The following N4BP2 variants were observed in gnomAD, a reference collection of about 807,000 sequenced individuals.
The protein encoded by N4BP2 is NEDD4 binding protein 2.
In N4BP2, 91 loss-of-function variants were observed where a neutral mutation model predicts 152.8. That is an observed-to-expected ratio of 0.60 (90% CI 0.50 to 0.71). N4BP2 has a LOEUF of 0.71. Among genes scored for constraint, N4BP2 ranks in the 30% least tolerant of loss-of-function variants. The pLI is 0.00. For missense variants in N4BP2, 1,923 were observed against 2,059.1 expected (o/e 0.93, Z 1.28); for synonymous variants, 646 against 705.3 (o/e 0.92, Z 1.33).
chr4:40,058,658 G>A (rs1733410206), intron 1 of N4BP2, among the ~76,000 whole-genome samples: 1 of 152,096 alleles, frequency 6.6e-6, no homozygotes, highest in Admixed American at 6.6e-5. Context: ...CATAGAAAAA[G>A]TGGGCTTAAG....
chr4:40,182,502 G>C, the N4BP2 span, among the ~76,000 whole-genome samples: 44 of 152,154 alleles, frequency 2.9e-4, no homozygotes, highest in Non-Finnish European at 4.6e-4. Context: ...CCAGGCTGGA[G>C]TGCAGTGGCG....
chr4:40,126,270 A>G lies in N4BP2; in HGVS notation c.4467A>G (p.Lys1489=). Residue 1489 remains lysine (K), a synonymous_variant, in exon 12 of 18, where the codon AAA becomes AAG. Transcript: ENST00000261435. The part of the protein sequence containing the change: ...PLLDHWNTQT[K]KVSLREIMSE... ...TGGATCATTGGAATACTCAAACTAA[A>G]AAAGTATCACTCAGAGAAATAATGT... The G allele has an allele frequency of 6.3e-7, 1 of 1,595,914 alleles. No homozygotes were observed. Among genetic ancestry groups the G allele is most frequent in the Non-Finnish European group, 8.5e-7 (1 of 1,170,898 alleles).
chr4:40,077,412 T>C (rs1712860652), intron 2 of N4BP2, among the ~76,000 whole-genome samples: 1 of 151,452 alleles, frequency 6.6e-6, no homozygotes, highest in African/African-American at 2.4e-5. Context: ...CCTCCCAAAG[T>C]GCTGGGATTA....
chr4:40,164,985 G>A, the N4BP2 span, among the ~76,000 whole-genome samples: 286 of 152,038 alleles, frequency 1.9e-3, no homozygotes, highest in Middle Eastern at 0.01. Flanking sequence ...TCTGGGCTAC[G>A]TTTTTCTTTT....
chr4:40,099,938 A>AT, intron 3 of N4BP2: 1 of 79,428 alleles, frequency 1.3e-5, no homozygotes, highest in Non-Finnish European at 2.5e-5. Context: ...TTTTTCTTCC[A>AT]TTTTTAGGTT....
In N4BP2 at chr4:40,154,799, G is replaced by T. The variant is rs985381326; in HGVS notation, c.*562G>T. The T allele has an allele frequency of 6.6e-6, 1 of 152,538 alleles. No homozygotes were observed. The highest frequency in any genetic ancestry group is 2.4e-5 in the African/African-American group (1 of 41,428). The allele number at this position is 152,538 out of a possible 1,614,324, so 9.4% of individuals were successfully genotyped here. A position where few individuals can be genotyped will look rare whatever the true frequency, so the allele number is the denominator to read the frequency against. ...AAGACATGCTTTTGCCCTTTCTTCT[G>T]CTTTGTATATGACCTTGATCTTTTA... is the stretch of plus-strand genomic sequence containing the variant. On this transcript the variant is annotated 3_prime_UTR_variant, in exon 18 of 18. Transcript: ENST00000261435.
chr4:40,150,458 G>A (rs566186103), intron 16 of N4BP2, among the ~76,000 whole-genome samples: 1 of 152,156 alleles, frequency 6.6e-6, no homozygotes, highest in African/African-American at 2.4e-5. Context: ...CTTGAGGTCA[G>A]GAGTTTGAGA....
intron 1 of N4BP2, among the ~76,000 whole-genome samples, chr4:40,065,085 C>G (rs1733938904): frequency 6.6e-6 from 1 of 152,098 alleles, no homozygotes; most frequent in Non-Finnish European, 1.5e-5. Flanking sequence ...GAGGGACTTT[C>G]AGGCAGAGAA....
chr4:40,150,676 G>GGA (rs1553928674), intron 16 of N4BP2, among the ~76,000 whole-genome samples: 1,918 of 146,372 alleles, frequency 0.013, 51 homozygotes, highest in African/African-American at 0.043. Context: ...GTCTCAGGGG[G>GGA]AAAAAAAAAA....
intron 12 of N4BP2, among the ~76,000 whole-genome samples, chr4:40,128,693 A>G (rs1271526765): frequency 1.3e-5 from 2 of 152,024 alleles, no homozygotes; most frequent in South Asian, 2.1e-4. Context: ...ATACCCAGCT[A>G]ATTTTTGTAA....
rs1378875266 is a variant in N4BP2, at chr4:40,142,460, G to T, written c.4786-213G>T. ...AACTCTTCAACATCTCCCGAGAGTG[G>T]TTAAAGAAAGGGTAACCTTAGCGGC... is the stretch of plus-strand genomic sequence containing the variant. On this transcript the variant is annotated intron_variant, in intron 14 of 17. Transcript: ENST00000261435. 3.3e-5 allele frequency: 16 copies of T among 487,914 alleles called. 1 individual carries two copies. Among genetic ancestry groups the T allele is most frequent in the South Asian group, 2.0e-4 (6 of 29,696 alleles). The allele number at this position is 487,914 out of a possible 1,614,324, so 30.2% of individuals were successfully genotyped here.
At chr4:40,163,462 C>G in the N4BP2 span, among the ~76,000 whole-genome samples, 1 of 152,172 alleles carries the variant, frequency 6.6e-6, no homozygotes, top group African/African-American at 2.4e-5. Context: ...TTCCCCTTGC[C>G]AGTGATTAGT....
chr4:40,074,680 A>T (rs1178456484), intron 2 of N4BP2, among the ~76,000 whole-genome samples: 1 of 152,154 alleles, frequency 6.6e-6, no homozygotes, highest in Non-Finnish European at 1.5e-5. Context: ...TAGTTTTTCT[A>T]TTTAATGAGT....
Position 40,117,874 on chromosome 4 carries a change from A to G in N4BP2, c.1670A>G (p.Asn557Ser), listed in dbSNP as rs774561879. ...KFKPKELARRNIHGVSKEKIT... is the reference protein window; with the variant it reads ...KFKPKELARRSIHGVSKEKIT... ...TTTTCCCCTGGAATTTTCAGGCGTA[A>G]CATTCATGGGGTAAGCAAAGAAAAA... is the stretch of plus-strand genomic sequence containing the variant. The change falls in exon 8 of 18, where the codon AAC (asparagine) becomes AGC (serine). Residue 557 changes from asparagine (N) to serine (S), a missense_variant. Transcript: ENST00000261435. 6.2e-7 allele frequency: 1 copy of G among 1,600,030 alleles called. No homozygotes were observed. Among genetic ancestry groups the G allele is most frequent in the Non-Finnish European group, 8.5e-7 (1 of 1,174,338 alleles).
intron 3 of N4BP2, among the ~76,000 whole-genome samples, chr4:40,098,207 T>C (rs1349619688): frequency 6.6e-6 from 1 of 152,014 alleles, no homozygotes; most frequent in Non-Finnish European, 1.5e-5. Context: ...TGATTAAGAG[T>C]TGAGGCTAGC....
chr4:40,148,353 A>G (rs1479414622), intron 16 of N4BP2, among the ~76,000 whole-genome samples: 2 of 152,264 alleles, frequency 1.3e-5, no homozygotes, highest in African/African-American at 4.8e-5. Context: ...GGGCAGGCGG[A>G]GGCAGGAGAA....
intron 2 of N4BP2, among the ~76,000 whole-genome samples, chr4:40,076,495 CT>C (rs202162739): frequency 6.3e-4 from 92 of 147,126 alleles, no homozygotes; most frequent in East Asian, 1.2e-3. Flanking sequence ...CCAAAAATAT[CT>C]TTTTTTTTTT....
chr4:40,085,846 A>AT (rs1379497878), intron 2 of N4BP2, among the ~76,000 whole-genome samples: 1 of 151,846 alleles, frequency 6.6e-6, no homozygotes, highest in African/African-American at 2.4e-5. Context: ...ATTTAATTTT[A>AT]TTTTCTAGTT....
At chr4:40,114,633 A>G (rs2109985289) in intron 7 of N4BP2, among the ~76,000 whole-genome samples, 1 of 152,300 alleles carries the variant, frequency 6.6e-6, no homozygotes, top group East Asian at 1.9e-4. Flanking sequence ...GCATCTTTAT[A>G]AATAAATGAG....
Sources: allele counts gnomAD v4.1 joint callset (sites outside exome capture counted in the v4.1 genomes callset), GRCh38; gene constraint gnomAD v4.1.1; transcripts MANE v1.5; gene names NCBI Gene and HGNC (gene_info 2026-07-23, HGNC 2026-07-21).